The following ZBTB7C variants were observed in gnomAD, a reference collection of about 807,000 sequenced individuals.
The protein encoded by ZBTB7C is zinc finger and BTB domain-containing protein 7C.
ZBTB7C carries 8 observed loss-of-function variants against 25.7 expected under a neutral mutation model. That is an observed-to-expected ratio of 0.31 (90% CI 0.18 to 0.56). The LOEUF is 0.56. Ranked by LOEUF, ZBTB7C falls within the 20% of genes least tolerant of loss-of-function variation. The probability of loss-of-function intolerance (pLI) is 0.91; values close to 1 mark genes in which losing one functional copy is unlikely to be tolerated. For missense variants in ZBTB7C, 824 were observed against 855.2 expected (o/e 0.96, Z 0.46); for synonymous variants, 394 against 369.0 (o/e 1.07, Z -0.78).
chr18:48,237,797 C>A (rs547148812), intron 2 of ZBTB7C, among the ~76,000 whole-genome samples: 19 of 152,278 alleles, frequency 1.2e-4, no homozygotes, highest in Non-Finnish European at 2.2e-4. Flanking sequence ...GGATTTACAG[C>A]AGCATTGTTT....
intron 1 of ZBTB7C, among the ~76,000 whole-genome samples, chr18:48,347,124 G>GT (rs1158209713): frequency 0.014 from 1,120 of 80,408 alleles, 9 homozygotes; most frequent in East Asian, 0.03. Context: ...GTTTTTGTTT[G>GT]TTTTTTTTTT....
At chr18:48,361,922 G>A (rs1463762280) in intron 1 of ZBTB7C, among the ~76,000 whole-genome samples, 1 of 152,204 alleles carries the variant, frequency 6.6e-6, no homozygotes, top group East Asian at 1.9e-4. Flanking sequence ...ACGGCAGGAG[G>A]AGACAATGAG....
chr18:48,192,511 T>A (rs1472248885), intron 2 of ZBTB7C, among the ~76,000 whole-genome samples: 1 of 152,256 alleles, frequency 6.6e-6, no homozygotes, highest in African/African-American at 2.4e-5. Context: ...TCACCCAGGC[T>A]GGAGTGCAGT....
chr18:48,096,147 TTA>T (rs2038624763), intron 3 of ZBTB7C, among the ~76,000 whole-genome samples: 2 of 152,156 alleles, frequency 1.3e-5, no homozygotes, highest in African/African-American at 4.8e-5. Context: ...GTAAACACAG[TTA>T]TGTTATTTTA....
intron 3 of ZBTB7C, among the ~76,000 whole-genome samples, chr18:48,065,204 A>G (rs2037280696): frequency 6.6e-6 from 1 of 151,602 alleles, no homozygotes. Context: ...CTTGAATCTT[A>G]AGTGAGTGAC....
At chr18:48,260,140 A>G (rs2044130565) in intron 2 of ZBTB7C, among the ~76,000 whole-genome samples, 1 of 152,268 alleles carries the variant, frequency 6.6e-6, no homozygotes, top group African/African-American at 2.4e-5. Flanking sequence ...ATAAACAACC[A>G]TGGAATACTG....
At chr18:48,331,703 T>C (rs768381174) in intron 2 of ZBTB7C, among the ~76,000 whole-genome samples, 18 of 152,312 alleles carry the variant, frequency 1.2e-4, no homozygotes, top group Middle Eastern at 6.8e-3. Context: ...CCGTATTCTA[T>C]ACTGAGCAAA....
chr18:48,231,270 T>G (rs533568523), intron 2 of ZBTB7C, among the ~76,000 whole-genome samples: 1 of 152,278 alleles, frequency 6.6e-6, no homozygotes, highest in African/African-American at 2.4e-5. Flanking sequence ...ATGGTGCTTT[T>G]TCTGGACCCT....
chr18:48,069,427 G>A (rs577173018), intron 3 of ZBTB7C, among the ~76,000 whole-genome samples: 1 of 152,282 alleles, frequency 6.6e-6, no homozygotes, highest in South Asian at 2.1e-4. Flanking sequence ...TTGCTGCCTT[G>A]TGTAGTCCTT....
At chr18:48,297,036 C>T (rs1355773269) in intron 2 of ZBTB7C, among the ~76,000 whole-genome samples, 2 of 152,072 alleles carry the variant, frequency 1.3e-5, no homozygotes, top group Non-Finnish European at 2.9e-5. Flanking sequence ...AACAGTTTCC[C>T]CCACCCCACC....
intron 3 of ZBTB7C, among the ~76,000 whole-genome samples, chr18:48,157,675 T>C (rs1317660923): frequency 6.6e-6 from 1 of 152,220 alleles, no homozygotes; most frequent in African/African-American, 2.4e-5. Context: ...CTGTGTGACG[T>C]GAGGCAAATG....
At chr18:48,143,732 A>G (rs1354239474) in intron 3 of ZBTB7C, among the ~76,000 whole-genome samples, 2 of 152,152 alleles carry the variant, frequency 1.3e-5, no homozygotes, top group African/African-American at 4.8e-5. Context: ...CCATCCCTTG[A>G]TATCTAATCA....
intron 1 of ZBTB7C, among the ~76,000 whole-genome samples, chr18:48,393,332 T>G (rs1250347028): frequency 6.8e-6 from 1 of 147,094 alleles, no homozygotes; most frequent in Non-Finnish European, 1.5e-5. Flanking sequence ...GCAGGGAAGG[T>G]GAAGCTAGAT....
chr18:48,341,981 A>C (rs767470680), intron 1 of ZBTB7C, among the ~76,000 whole-genome samples: 1 of 152,200 alleles, frequency 6.6e-6, no homozygotes, highest in African/African-American at 2.4e-5. Flanking sequence ...CATCAGGGCC[A>C]TTGTGGGGCT....
At chr18:48,247,054 A>T (rs1470631445) in intron 2 of ZBTB7C, among the ~76,000 whole-genome samples, 2 of 152,258 alleles carry the variant, frequency 1.3e-5, no homozygotes, top group Non-Finnish European at 2.9e-5. Flanking sequence ...ATGCTACACC[A>T]CATCAAGACG....
At chr18:48,207,322 G>C (rs910278535) in intron 2 of ZBTB7C, among the ~76,000 whole-genome samples, 3 of 152,226 alleles carry the variant, frequency 2.0e-5, no homozygotes. Context: ...TATGTGCCCA[G>C]AAAAGATATT....
intron 3 of ZBTB7C, among the ~76,000 whole-genome samples, chr18:48,085,051 A>G (rs957046744): frequency 1.3e-5 from 2 of 152,118 alleles, no homozygotes; most frequent in African/African-American, 2.4e-5. Flanking sequence ...TTAACATCTT[A>G]TCAGTCAATT....
chr18:48,313,245 T>C (rs942416606), intron 2 of ZBTB7C, among the ~76,000 whole-genome samples: 3 of 152,182 alleles, frequency 2.0e-5, no homozygotes, highest in Admixed American at 6.5e-5. Context: ...GCATCATTCA[T>C]AGGAAATGGA....
intron 3 of ZBTB7C, among the ~76,000 whole-genome samples, chr18:48,098,114 T>C (rs1021256857): frequency 7.2e-5 from 11 of 152,134 alleles, no homozygotes; most frequent in African/African-American, 2.7e-4. Context: ...ACATTTGTGA[T>C]GGGTGAGAGT....
Sources: gnomAD v4.1 joint callset for allele counts (sites outside exome capture counted in the v4.1 genomes callset) on GRCh38, gnomAD v4.1.1 for gene constraint, MANE v1.5 for transcripts, NCBI Gene and HGNC (gene_info 2026-07-23, HGNC 2026-07-21) for gene names.